The following EOGT variants were observed in gnomAD, a reference collection of about 807,000 sequenced individuals.
The protein encoded by EOGT is EGF domain-specific O-linked N-acetylglucosamine transferase.
In EOGT, 55 loss-of-function variants were observed where a neutral mutation model predicts 70.5. The ratio of observed to expected loss-of-function variants is 0.78; its 90% confidence interval spans 0.63 to 0.98. EOGT has a LOEUF of 0.98. Among genes scored for constraint, EOGT ranks in the 50% least tolerant of loss-of-function variants. EOGT has a pLI of 0.00. For synonymous variants in EOGT, 246 were observed against 217.1 expected (o/e 1.13, Z -1.17); for missense variants, 703 against 641.9 (o/e 1.10, Z -1.03).
chr3:68,997,438 G>A (rs909806704), intron 10 of EOGT, among the ~76,000 whole-genome samples: 7 of 150,680 alleles, frequency 4.6e-5, no homozygotes, highest in East Asian at 3.9e-4. Flanking sequence ...GCACGATCTC[G>A]GCTCAATGCA....
Position 69,009,840 on chromosome 3 carries a change from T to C in EOGT, c.7A>G (p.Met3Val), listed in dbSNP as rs560690265. 4.3e-6 allele frequency: 7 copies of C among 1,612,018 alleles called. No homozygotes were observed. Among genetic ancestry groups the C allele is most frequent in the African/African-American group, 4.0e-5 (3 of 74,442 alleles). Residue 3 changes from methionine (M) to valine (V), a missense_variant, in exon 4 of 18, where the codon ATG becomes GTG. Met to Val is a conservative substitution (Grantham distance 21). Transcript: ENST00000383701. ML[M>V]LFVFGVLLHE... The stretch of plus-strand genomic sequence containing the variant: ...AGTAAGACTCCAAAGACAAACAACA[T>C]TAACATAGCAACCTGCAAACCTAGA...
chr3:68,993,985 C>A lies in EOGT; in HGVS notation c.831+4026G>T, dbSNP rs553545212. On this transcript the variant is annotated intron_variant, in intron 10 of 17. Transcript: ENST00000383701. ...CAACATGTGGGAATTCTGGGAGATA[C>A]AATTCAAGCTGAAATTTGGTGGGGA... Among the ~76,000 whole-genome samples, 8 of 152,164 alleles carry A rather than the reference C, an allele frequency of 5.3e-5. No homozygotes were observed. In the South Asian group the frequency reaches 6.2e-4, roughly 12 times the overall value.
chr3:68,981,614 G>A (rs1415987852), intron 15 of EOGT, among the ~76,000 whole-genome samples: 3 of 152,108 alleles, frequency 2.0e-5, no homozygotes, highest in Non-Finnish European at 2.9e-5. Context: ...CTAGCAACAG[G>A]AATTACCCAA....
At chr3:69,000,570 T>G (rs1042075430) in intron 9 of EOGT, among the ~76,000 whole-genome samples, 1 of 152,214 alleles carries the variant, frequency 6.6e-6, no homozygotes, top group Non-Finnish European at 1.5e-5. Context: ...CAGAGCACAT[T>G]AAAACTATGA....
chr3:68,984,634 T>C (rs953090527), intron 14 of EOGT, among the ~76,000 whole-genome samples: 13 of 152,230 alleles, frequency 8.5e-5, no homozygotes, highest in African/African-American at 2.9e-4. Context: ...TAACATCCAA[T>C]CCTCAAGAAA....
intron 1 of EOGT, among the ~76,000 whole-genome samples, chr3:69,013,219 C>A (rs2091619777): frequency 6.6e-6 from 1 of 151,730 alleles, no homozygotes; most frequent in South Asian, 2.1e-4. Context: ...CCGGGGCCGC[C>A]CGCCACCGTG....
chr3:68,998,828 C>A, intron 9 of EOGT, among the ~76,000 whole-genome samples: 1 of 111,474 alleles, frequency 9.0e-6, no homozygotes, highest in East Asian at 2.1e-4. Flanking sequence ...CAGAGTGAGA[C>A]TCTGTCTAAA....
At chr3:68,982,221 A>G (rs566624447) in intron 15 of EOGT, among the ~76,000 whole-genome samples, 2 of 152,124 alleles carry the variant, frequency 1.3e-5, no homozygotes, top group African/African-American at 4.8e-5. Flanking sequence ...CCAATTTTTT[A>G]AAATTATGAA....
intron 10 of EOGT, among the ~76,000 whole-genome samples, chr3:68,993,352 T>C (rs999628935): frequency 2.0e-5 from 3 of 152,132 alleles, no homozygotes; most frequent in Non-Finnish European, 4.4e-5. Context: ...AAGTTCAAAG[T>C]TCCACAAATC....
At chr3:68,983,855 C>T (rs938410781) in intron 14 of EOGT, among the ~76,000 whole-genome samples, 6 of 152,114 alleles carry the variant, frequency 3.9e-5, no homozygotes, top group East Asian at 1.9e-4. Flanking sequence ...CCCAGCTACT[C>T]GGGAGGCTAA....
chr3:69,001,217 C>A (rs929143372), intron 9 of EOGT, among the ~76,000 whole-genome samples: 2 of 152,098 alleles, frequency 1.3e-5, no homozygotes, highest in Non-Finnish European at 2.9e-5. Context: ...CTCGGCCTCC[C>A]ACAGTGCTGG....
At position 69,009,638 on chromosome 3, in the gene EOGT, T is replaced by A; in HGVS notation, c.209A>T (p.Lys70Met). 1.2e-6 allele frequency: 2 copies of A among 1,610,156 alleles called. No homozygotes were observed. The highest frequency in any genetic ancestry group is 1.1e-5 in the South Asian group (1 of 90,942). The change falls in exon 4 of 18, where the codon AAG becomes ATG. Residue 70 changes from lysine to methionine, a missense_variant and splice_region_variant. Lys to Met is a moderately conservative substitution (Grantham distance 95). Transcript: ENST00000383701. ...VCRKDSLCPY[K>M]KHLEKLKYCW... ...AAGGAGAAAAGAAATAATACCTACC[T>A]TATATGGACAAAGAGAGTCTTTCCT...
chr3:68,990,414 G>C (rs958758665), intron 10 of EOGT, among the ~76,000 whole-genome samples: 1 of 140,528 alleles, frequency 7.1e-6, no homozygotes, highest in Non-Finnish European at 1.5e-5. Context: ...GTGCCATGTC[G>C]TGATCTGGGC....
In EOGT at chr3:69,008,431, C is replaced by T; in HGVS notation, c.308G>A (p.Gly103Glu). 3.7e-6 allele frequency: 6 copies of T among 1,611,342 alleles called. No individual in the cohort carries two copies. The highest frequency in any genetic ancestry group is 2.2e-5 in the South Asian group (2 of 91,024). ...GGTATTCCATATGGAAACTTACCATCCCATGTCGACATAGCTGCAAACTGG... is the reference window on the plus strand; with the variant it reads ...GGTATTCCATATGGAAACTTACCATTCCATGTCGACATAGCTGCAAACTGG... ...GYPVCSYVDMGWTDTLESAED... is the reference protein window; with the variant it reads ...GYPVCSYVDMEWTDTLESAED... The change falls in exon 5 of 18, where the codon GGA becomes GAA. Residue 103 changes from glycine to glutamate, a missense_variant. By Grantham distance (98) the Gly-to-Glu change is moderately conservative (BLOSUM62 -2). Transcript: ENST00000383701.
chr3:68,994,801 GA>G (rs1283625137), intron 10 of EOGT, among the ~76,000 whole-genome samples: 2 of 151,974 alleles, frequency 1.3e-5, no homozygotes, highest in African/African-American at 4.8e-5. Context: ...AAAACAAACA[GA>G]AAAAAAGTAA....
rs751550296 is a variant in EOGT, at chr3:68,997,994, A to T, written c.831+17T>A. 1.4e-6 allele frequency: 2 copies of T among 1,380,676 alleles called. No individual in the cohort carries two copies. The highest frequency in any genetic ancestry group is 2.0e-6 in the Non-Finnish European group (2 of 992,072). The allele number at this position is 1,380,676 out of a possible 1,614,324, so 85.5% of individuals were successfully genotyped here. On this transcript the variant is annotated intron_variant, in intron 10 of 17. Transcript: ENST00000383701. ...AGGGAAAGACAGTACTGAAGCGGAG[A>T]GCACATTCTTACTTACGGTGTCCCA...
chr3:68,992,453 G>C (rs1480552426), intron 10 of EOGT, among the ~76,000 whole-genome samples: 1 of 152,200 alleles, frequency 6.6e-6, no homozygotes, highest in Non-Finnish European at 1.5e-5. Flanking sequence ...CTCACATCCA[G>C]GTTACACTGA....
At chr3:68,987,809 AATG>A in intron 13 of EOGT, 1 of 446,386 alleles carries the variant, frequency 2.2e-6, no homozygotes, top group Non-Finnish European at 3.9e-6. Context: ...AGATATAACC[AATG>A]AAGGGGGAAA....
intron 10 of EOGT, among the ~76,000 whole-genome samples, chr3:68,996,734 G>T (rs1247462326): frequency 6.6e-6 from 1 of 152,248 alleles, no homozygotes; most frequent in East Asian, 1.9e-4. Flanking sequence ...CTGCCAGCAA[G>T]CTGTGGTTCC....
Sources: allele counts gnomAD v4.1 joint callset (sites outside exome capture counted in the v4.1 genomes callset), GRCh38; gene constraint gnomAD v4.1.1; transcripts MANE v1.5; gene names NCBI Gene and HGNC (gene_info 2026-07-23, HGNC 2026-07-21).